The following PNPLA6 variants were observed in gnomAD, a reference collection of about 807,000 sequenced individuals.
PNPLA6 encodes patatin-like phospholipase domain-containing protein 6.
A neutral mutation model predicts 153.7 loss-of-function variants in PNPLA6; 105 were observed. The observed-to-expected ratio is 0.68, with a 90% CI of 0.58 to 0.80. The LOEUF (loss-of-function observed/expected upper bound fraction) is 0.80, where lower values mean the gene tolerates loss of function less well. PNPLA6 is among the 30% of genes least tolerant of loss of function. PNPLA6 has a pLI of 0.00. For missense variants in PNPLA6, 1,423 were observed against 1,919.3 expected, an observed-to-expected ratio of 0.74 and a Z score of 4.83; for synonymous variants, 825 against 822.2, an observed-to-expected ratio of 1.00 and a Z score of -0.06.
Position 7,541,635 on chromosome 19 carries a change from C to T in PNPLA6, c.1119C>T (p.Thr373=), listed in dbSNP as rs745591369. 3.8e-6 allele frequency: 6 copies of T among 1,587,006 alleles called. No individual in the cohort carries two copies. Among genetic ancestry groups the T allele is most frequent in the African/African-American group, 1.3e-5 (1 of 74,382 alleles). ...STSATDEPRE[T]PGRPPDPTGA... is the part of the protein sequence containing the mutation. ...CAGCTACAGACGAGCCCAGGGAGAC[C>T]CCAGGGCGGCCACCCGATCCCACCG... Residue 373 remains threonine, a synonymous_variant, in exon 9 of 32, where the codon ACC becomes ACT. Transcript: ENST00000600737. The surrounding 1 kb of genome is among the most constrained non-coding windows in gnomAD (Gnocchi z 5.2).
At chr19:7,552,889 A>T (rs2023719495) in intron 18 of PNPLA6, among the ~76,000 whole-genome samples, 1 of 151,920 alleles carries the variant, frequency 6.6e-6, no homozygotes. Context: ...AGGGAGGGAG[A>T]AAGAGGCTTT....
intron 17 of PNPLA6, 118 bp downstream of exon 17, chr19:7,551,225 G>C (rs1418201947): frequency 7.5e-6 from 7 of 936,726 alleles, no homozygotes; most frequent in Non-Finnish European, 1.2e-5. Context: ...GGGCCGAAGC[G>C]AGAGAGTGAG....
chr19:7,558,797 C>T (rs73005399), intron 27 of PNPLA6, 53 bp from the exon 28 acceptor site: 17,817 of 1,385,892 alleles, frequency 0.013, 153 homozygotes, highest in Non-Finnish European at 0.016. Context: ...GGTTGAACAT[C>T]TCTGCCCCGG....
chr19:7,561,030 G>C lies in PNPLA6; in HGVS notation c.3833G>C (p.Ser1278Thr). The change falls in exon 30 of 32, where the codon AGC becomes ACC. Residue 1278 changes from serine to threonine, a missense_variant. Ser to Thr is a moderately conservative substitution (Grantham distance 58). Coordinates refer to ENST00000600737, the MANE Select transcript of PNPLA6 (RefSeq NM_001166114.2). Reference protein sequence around the residue: ...SRRADVLAFPSSGFTDLAEIV... With the variant: ...SRRADVLAFPTSGFTDLAEIV... ...ACCCCACAGGTGCTTGCCTTCCCAA[G>C]CTCTGGCTTCACTGACTTGGCAGAG... 1.9e-6 allele frequency: 3 copies of C among 1,612,302 alleles called. No individual in the cohort carries two copies. The highest frequency in any genetic ancestry group is 2.5e-6 in the Non-Finnish European group (3 of 1,179,332).
rs756791412 is a variant in PNPLA6 at position 7,540,021 on chromosome 19, C to T, written c.517C>T (p.Leu173=). ...LTEGDLANSH[L]PSEVLYMLKN... ...CGAGGGCGACCTGGCTAACTCCCAT[C>T]TGCCCTCTGAAGTGCTTTATATGCT... is the stretch of plus-strand genomic sequence containing the variant. The change falls in exon 4 of 32, where the codon CTG becomes TTG. Residue 173 remains leucine (L), a synonymous_variant. Coordinates refer to ENST00000600737, the MANE Select transcript of PNPLA6 (RefSeq NM_001166114.2). The surrounding 1 kb of genome is among the most constrained non-coding windows in gnomAD (Gnocchi z 6.8). 1.6e-5 allele frequency: 25 copies of T among 1,609,544 alleles called. No homozygotes were observed. In the Admixed American group the frequency reaches 4.1e-4, roughly 26 times the overall value.
rs1057094403 is a variant in PNPLA6 at position 7,540,983 on chromosome 19, C to T, written c.856C>T (p.Arg286Cys). Reference protein sequence around the residue: ...ARAARDSTVLRLPVEAFSAVF... With the variant: ...ARAARDSTVLCLPVEAFSAVF... ...GGCGGCCCGGGACTCCACGGTGCTG[C>T]GCCTGCCGGTGGAAGCATTCTCCGC... The change falls in exon 7 of 32, where the codon CGC becomes TGC. Residue 286 changes from arginine to cysteine, a missense_variant. Physicochemically the swap from Arg to Cys is radical, Grantham distance 180 (BLOSUM62 -3). Coordinates refer to ENST00000600737, the MANE Select transcript of PNPLA6 (RefSeq NM_001166114.2). The surrounding 1 kb of genome is among the most constrained non-coding windows in gnomAD (Gnocchi z 6.8). The T allele has an allele frequency of 3.1e-6, 5 of 1,610,118 alleles. No homozygotes were observed. Among genetic ancestry groups the T allele is most frequent in the African/African-American group, 1.3e-5 (1 of 74,840 alleles).
rs200236935 is a variant in PNPLA6, at chr19:7,558,932, C to T, written c.3480C>T (p.Tyr1160=). ...GSQDETDLST[Y]GDSLSGWWLL... ...AGGATGAGACGGACCTCAGCACCTACGGGGACAGCCTGTCCGGCTGGTGGC... is the reference window on the plus strand; with the variant it reads ...AGGATGAGACGGACCTCAGCACCTATGGGGACAGCCTGTCCGGCTGGTGGC... The change falls in exon 28 of 32, where the codon TAC becomes TAT. Residue 1160 remains tyrosine, a synonymous_variant. Transcript: ENST00000600737. The T allele has an allele frequency of 1.8e-5, 29 of 1,614,118 alleles. No individual in the cohort carries two copies. Among genetic ancestry groups the T allele is most frequent in the Admixed American group, 1.7e-4 (10 of 60,006 alleles).
At chr19:7,535,532 G>A (rs980029717), upstream of PNPLA6, 25 of 1,597,286 alleles carry the variant, frequency 1.6e-5, no homozygotes, top group Non-Finnish European at 2.1e-5. The surrounding 1 kb of genome is among the most constrained non-coding windows in gnomAD (Gnocchi z 5.0). Flanking sequence ...CAGATCGGCC[G>A]TCCAGCTGGA....
chr19:7,539,090 A>T (rs1038223691), intron 3 of PNPLA6, among the ~76,000 whole-genome samples: 1 of 152,244 alleles, frequency 6.6e-6, no homozygotes, highest in Non-Finnish European at 1.5e-5. Context: ...TATGGTCCCC[A>T]TTGCAACTCT....
intron 25 of PNPLA6, 39 bp from the exon 26 acceptor site, chr19:7,556,615 GC>G (rs2023890037): frequency 6.3e-7 from 1 of 1,592,736 alleles, no homozygotes; most frequent in Non-Finnish European, 8.6e-7. Context: ...CCCCGGAGGA[GC>G]CCCCTGCTCC....
intron 24 of PNPLA6, 69 bp from the exon 25 acceptor site, chr19:7,556,384 C>A: frequency 1.1e-6 from 1 of 942,410 alleles, no homozygotes; most frequent in Non-Finnish European, 1.8e-6. Context: ...TTGCTCACCC[C>A]CTATTGATGA....
Position 7,554,023 on chromosome 19 carries a change from G to A in PNPLA6, c.2401+8G>A. The A allele has an allele frequency of 1.2e-6, 2 of 1,613,622 alleles. No individual in the cohort carries two copies. Among genetic ancestry groups the A allele is most frequent in the Non-Finnish European group, 8.5e-7 (1 of 1,179,794 alleles). ...ACGCCCTGCAGGCCATCGGTCAGTG[G>A]GGTGAGGGTCATGGGTGGGGGCTGG... is the stretch of plus-strand genomic sequence containing the variant. On this transcript the variant is annotated splice_region_variant and intron_variant, in intron 19 of 31. Coordinates refer to ENST00000600737, the MANE Select transcript of PNPLA6 (RefSeq NM_001166114.2).
intron 29 of PNPLA6, 29 bp from the exon 30 acceptor site, chr19:7,560,985 C>T (rs1041635091): frequency 5.3e-6 from 8 of 1,518,542 alleles, no homozygotes; most frequent in Admixed American, 1.8e-5. Context: ...TGGGCCCCCC[C>T]TAAGAGCCTC....
At chr19:7,557,003 C>A (rs549223315) in intron 26 of PNPLA6, 165 bp from the exon 27 acceptor site, 8 of 759,938 alleles carry the variant, frequency 1.1e-5, no homozygotes, top group African/African-American at 1.7e-5. Context: ...GCGCCTCCTA[C>A]TGCCCCTACC....
chr19:7,543,096 C>T lies in PNPLA6; in HGVS notation c.1608+12C>T. 6.2e-7 allele frequency: 1 copy of T among 1,608,394 alleles called. No homozygotes were observed. Among genetic ancestry groups the T allele is most frequent in the Non-Finnish European group, 8.5e-7 (1 of 1,175,072 alleles). ...GCCAGGGAGACCAGGTGAGGCTGAC[C>T]CCTGACCTGTAACCATGCCACCTGA... On this transcript the variant is annotated intron_variant, in intron 13 of 31. Coordinates refer to ENST00000600737, the MANE Select transcript of PNPLA6 (RefSeq NM_001166114.2).
rs931291219 is a variant in PNPLA6, at chr19:7,551,021, G to A, written c.2098G>A (p.Ala700Thr). 3 of 1,548,274 alleles carry A rather than the reference G, an allele frequency of 1.9e-6. No individual in the cohort carries two copies. Among genetic ancestry groups the A allele is most frequent in the Admixed American group, 3.9e-5 (2 of 51,008 alleles). Residue 700 changes from alanine to threonine, a missense_variant, in exon 17 of 32, where the codon GCC (alanine) becomes ACC (threonine). Ala to Thr is a moderately conservative substitution (Grantham distance 58, BLOSUM62 0). Around this residue, in one of 10 missense-constraint regions of PNPLA6, gnomAD observed 63 missense variants for 166.2 expected, o/e 0.38. Transcript: ENST00000600737. ...GGAGGCACTGACCCGGCAGCCGCGA[G>A]CCACGACGGTGCACGCGGTGCGCGA... The part of the protein sequence containing the change: ...VVEALTRQPR[A>T]TTVHAVRDTE...
chr19:7,535,442 G>C, upstream of PNPLA6: 1 of 1,158,314 alleles, frequency 8.6e-7, no homozygotes, highest in South Asian at 1.3e-5. This position sits in a 1 kb window ranked among gnomAD's most constrained non-coding sequence, Gnocchi z 5.0. Flanking sequence ...GGCAGGGCTT[G>C]AGGCAGGGGA....
At position 7,561,190 on chromosome 19, in the gene PNPLA6, C is replaced by CCTGCTCCCCGATTCCAGG; in HGVS notation, c.3914-17_3914dup. The CCTGCTCCCCGATTCCAGG allele has an allele frequency of 6.3e-7, 1 of 1,598,422 alleles. No homozygotes were observed. On this transcript the variant is annotated splice_polypyrimidine_tract_variant and intron_variant, in intron 30 of 31. Coordinates refer to ENST00000600737, the MANE Select transcript of PNPLA6 (RefSeq NM_001166114.2). ...CCAGCCCCAATCCCCTCACCTGTGCCCTGCTCCCCGATTCCAGGAGAGGAG... is the reference window on the plus strand; with the variant it reads ...CCAGCCCCAATCCCCTCACCTGTGCCCTGCTCCCCGATTCCAGGCTGCTCCCCGATTCCAGGAGAGGAG...
At chr19:7,550,706 C>T in intron 16 of PNPLA6, 66 bp downstream of exon 16, 1 of 1,583,344 alleles carries the variant, frequency 6.3e-7, no homozygotes. Flanking sequence ...AACTCACACA[C>T]ATCATCCCGG....
Sources: gnomAD v4.1 joint callset for allele counts (sites outside exome capture counted in the v4.1 genomes callset) on GRCh38, gnomAD v4.1.1 for gene constraint, gnomAD v4.1.1 regional missense constraint, Gnocchi (gnomAD v3.1) non-coding constraint, MANE v1.5 for transcripts, NCBI Gene and HGNC (gene_info 2026-07-23, HGNC 2026-07-21) for gene names.